Variants in SLCO1B1 observed in about 807,000 individuals in gnomAD.
SLCO1B1 encodes OATP-2.
In SLCO1B1, 81 loss-of-function variants were observed where a neutral mutation model predicts 70.1. The ratio of observed to expected loss-of-function variants is 1.16; its 90% CI spans 0.97 to 1.39. The LOEUF (loss-of-function observed/expected upper bound fraction) is 1.39. Ranked by LOEUF, SLCO1B1 falls within the 40% of genes most tolerant of loss-of-function variation. SLCO1B1 has a pLI of 0.00. For synonymous variants in SLCO1B1, 283 were observed against 271.5 expected (o/e 1.04, Z -0.42); for missense variants, 895 against 799.6 (o/e 1.12, Z -1.44).
chr12:21,157,590 A>G (rs1400577214), intron 2 of SLCO1B1, among the ~76,000 whole-genome samples: 2 of 149,910 alleles, frequency 1.3e-5, no homozygotes, highest in African/African-American at 5.0e-5. Flanking sequence ...AGATTAATTA[A>G]GACTGTAAAA....
At chr12:21,169,569 C>T (rs1387723545) in intron 2 of SLCO1B1, among the ~76,000 whole-genome samples, 1 of 151,992 alleles carries the variant, frequency 6.6e-6, no homozygotes, top group Non-Finnish European at 1.5e-5. Context: ...CTGTTTGGTT[C>T]TTCATAGTTT....
chr12:21,204,816 C>T (rs12313491), intron 10 of SLCO1B1, among the ~76,000 whole-genome samples: 199 of 151,838 alleles, frequency 1.3e-3, no homozygotes, highest in African/African-American at 4.6e-3. Flanking sequence ...CTCATTGTGT[C>T]CAGGCATGGT....
chr12:21,205,589 T>A lies in SLCO1B1; in HGVS notation c.1332-279T>A, dbSNP rs540503979. The stretch of plus-strand genomic sequence containing the variant: ...CATAGAATTATAACAACTTCTTGTC[T>A]AAGTCCTACTTAACATCTTTGGTTT... On this transcript the variant is annotated intron_variant, in intron 10 of 14. Coordinates refer to ENST00000256958, the MANE Select transcript of SLCO1B1 (RefSeq NM_006446.5). Among the ~76,000 whole-genome samples, 10 of 150,234 alleles carry A rather than the reference T, an allele frequency of 6.7e-5. No individual in the cohort carries two copies. In the East Asian group the frequency reaches 1.9e-3, roughly 29 times the overall value.
At chr12:21,238,701 G>A (rs1941618166) in intron 14 of SLCO1B1, among the ~76,000 whole-genome samples, 1 of 151,962 alleles carries the variant, frequency 6.6e-6, no homozygotes. Context: ...CCCAGCTGTA[G>A]GTGGGGCAGG....
chr12:21,164,509 G>A (rs1940661118), intron 2 of SLCO1B1, among the ~76,000 whole-genome samples: 1 of 151,944 alleles, frequency 6.6e-6, no homozygotes, highest in Non-Finnish European at 1.5e-5. Context: ...CTTTCTAACA[G>A]ATCTCTTTTT....
At chr12:21,197,851 AG>A (rs1211838451) in intron 8 of SLCO1B1, among the ~76,000 whole-genome samples, 1 of 152,164 alleles carries the variant, frequency 6.6e-6, no homozygotes, top group Non-Finnish European at 1.5e-5. Context: ...AATGTAAATT[AG>A]GATGCATCAG....
At chr12:21,231,783 G>A (rs535947253) in intron 14 of SLCO1B1, among the ~76,000 whole-genome samples, 3 of 151,926 alleles carry the variant, frequency 2.0e-5, no homozygotes, top group African/African-American at 4.8e-5. Context: ...GAGGGAGAGC[G>A]AGAGAGAGTA....
At chr12:21,148,357 C>T (rs1174685660) in intron 2 of SLCO1B1, among the ~76,000 whole-genome samples, 1 of 152,110 alleles carries the variant, frequency 6.6e-6, no homozygotes, top group Non-Finnish European at 1.5e-5. Context: ...ACATTTAAGT[C>T]TTTAATCCAT....
At chr12:21,133,674 A>G (rs192661384) in intron 1 of SLCO1B1, among the ~76,000 whole-genome samples, 193 of 152,260 alleles carry the variant, frequency 1.3e-3, no homozygotes, top group African/African-American at 4.4e-3. Context: ...ATTTTTATAC[A>G]TTGATTTTGT....
chr12:21,209,790 T>G (rs1318277089), intron 11 of SLCO1B1, among the ~76,000 whole-genome samples: 3 of 151,870 alleles, frequency 2.0e-5, no homozygotes, highest in Admixed American at 2.0e-4. Context: ...GGTTTTGATT[T>G]GCATTTCTCT....
At chr12:21,216,045 T>G (rs953464331) in intron 11 of SLCO1B1, among the ~76,000 whole-genome samples, 1 of 152,178 alleles carries the variant, frequency 6.6e-6, no homozygotes, top group African/African-American at 2.4e-5. Context: ...ATTAGAACCC[T>G]AAAAAGAATT....
intron 12 of SLCO1B1, among the ~76,000 whole-genome samples, chr12:21,220,432 TATA>T (rs765404302): frequency 6.6e-6 from 1 of 152,112 alleles, no homozygotes; most frequent in Non-Finnish European, 1.5e-5. Flanking sequence ...CAGGCTGAAG[TATA>T]ATGGCATGAT....
Position 21,178,663 on chromosome 12 carries a change from C to T in SLCO1B1, c.569C>T (p.Pro190Leu), listed in dbSNP as rs1300186922. Residue 190 changes from proline to leucine, a missense_variant, in exon 6 of 15, where the codon CCA becomes CTA. Coordinates refer to ENST00000256958, the MANE Select transcript of SLCO1B1 (RefSeq NM_006446.5). Reference protein sequence around the residue: ...LRGIGETPIVPLGLSYIDDFA... With the variant: ...LRGIGETPIVLLGLSYIDDFA... The stretch of plus-strand genomic sequence containing the variant: ...GGAATAGGGGAGACTCCCATAGTAC[C>T]ATTGGGGCTTTCTTACATTGATGAT... 1.2e-6 allele frequency: 2 copies of T among 1,607,020 alleles called. No homozygotes were observed. The highest frequency in any genetic ancestry group is 1.3e-5 in the African/African-American group (1 of 74,848).
intron 2 of SLCO1B1, among the ~76,000 whole-genome samples, chr12:21,154,838 T>C (rs1429191994): frequency 6.6e-6 from 1 of 152,146 alleles, no homozygotes; most frequent in Non-Finnish European, 1.5e-5. Flanking sequence ...TGAGCATATA[T>C]CTCTTTATAG....
chr12:21,149,719 T>A (rs1022653379), intron 2 of SLCO1B1, among the ~76,000 whole-genome samples: 4 of 152,124 alleles, frequency 2.6e-5, no homozygotes, highest in African/African-American at 9.7e-5. Flanking sequence ...ACCAGGAGAT[T>A]CCCTCGGGTG....
intron 2 of SLCO1B1, among the ~76,000 whole-genome samples, chr12:21,161,751 T>A (rs910958302): frequency 1.3e-5 from 2 of 152,180 alleles, no homozygotes; most frequent in Non-Finnish European, 2.9e-5. Flanking sequence ...CTCACACTTA[T>A]AATCATAGCA....
At chr12:21,160,376 A>G (rs528716408) in intron 2 of SLCO1B1, among the ~76,000 whole-genome samples, 2 of 151,822 alleles carry the variant, frequency 1.3e-5, no homozygotes, top group African/African-American at 4.8e-5. Context: ...AGCAATGGGG[A>G]AAAAAAACCC....
At chr12:21,218,887 C>A (rs1221968207) in intron 12 of SLCO1B1, among the ~76,000 whole-genome samples, 1 of 152,136 alleles carries the variant, frequency 6.6e-6, no homozygotes, top group Admixed American at 6.6e-5. Context: ...AATATGACTA[C>A]AGAATAAAAA....
At chr12:21,218,320 T>C (rs1174359305) in intron 12 of SLCO1B1, among the ~76,000 whole-genome samples, 6 of 152,332 alleles carry the variant, frequency 3.9e-5, no homozygotes, top group African/African-American at 1.2e-4. Context: ...CTAAAACTTG[T>C]AACATGTAAA....
Sources: allele counts gnomAD v4.1 joint callset (sites outside exome capture counted in the v4.1 genomes callset), GRCh38; gene constraint gnomAD v4.1.1; transcripts MANE v1.5; gene names NCBI Gene and HGNC (gene_info 2026-07-23, HGNC 2026-07-21).